CNOT9: variants seen among roughly 807,000 people sequenced by gnomAD.
The protein encoded by CNOT9 is RCD1 required for cell differentiation1 homolog.
Under a neutral mutation model 37.4 loss-of-function variants are expected in CNOT9, and 8 were observed. The observed-to-expected ratio is 0.21, with a 90% confidence interval of 0.13 to 0.39. The LOEUF (loss-of-function observed/expected upper bound fraction) is 0.39. Among genes scored for constraint, CNOT9 ranks in the 10% least tolerant of loss-of-function variants. The pLI is 1.00. For missense variants in CNOT9, 154 were observed against 365.3 expected, an observed-to-expected ratio of 0.42 and a Z score of 4.71; for synonymous variants, 120 against 137.6, an observed-to-expected ratio of 0.87 and a Z score of 0.90.
chr2:218,574,243 T>C, intron 1 of CNOT9: 1 of 216,008 alleles, frequency 4.6e-6, no homozygotes, highest in South Asian at 4.9e-5. Context: ...GGTGTGAACC[T>C]GTCTCTGTGC....
Position 218,571,340 on chromosome 2 carries a change from C to T in CNOT9, c.24+2362C>T, listed in dbSNP as rs542870766. On this transcript the variant is annotated intron_variant, in intron 1 of 7. Coordinates refer to ENST00000273064, the MANE Select transcript of CNOT9 (RefSeq NM_005444.3). ...GCTAAGGAGGGAGGACACTTCACCC[C>T]AGGAGTTCCAGGCTACTGTGTGCTA... is the stretch of plus-strand genomic sequence containing the variant. 3.3e-5 allele frequency among the ~76,000 whole-genome samples: 5 copies of T among 152,278 alleles called. No homozygotes were observed. In the South Asian group the frequency reaches 1.0e-3, roughly 32 times the overall value.
At chr2:218,578,122 G>T (rs891656202) in intron 1 of CNOT9, among the ~76,000 whole-genome samples, 105 of 152,314 alleles carry the variant, frequency 6.9e-4, no homozygotes, top group African/African-American at 2.0e-3. Context: ...GAGGAAAAAA[G>T]CTACCATATT....
intron 5 of CNOT9, among the ~76,000 whole-genome samples, chr2:218,589,903 T>C (rs866581071): frequency 2.0e-5 from 3 of 152,232 alleles, no homozygotes; most frequent in Middle Eastern, 3.2e-3. Context: ...GAATTCATAC[T>C]GTATGTTGAT....
chr2:218,571,916 A>C (rs183838566), intron 1 of CNOT9, among the ~76,000 whole-genome samples: 148 of 151,934 alleles, frequency 9.7e-4, no homozygotes, highest in Non-Finnish European at 1.5e-3. Flanking sequence ...AATACATCCT[A>C]ACATCTTCAT....
chr2:218,593,005 C>G, intron 7 of CNOT9: 1 of 390,944 alleles, frequency 2.6e-6, no homozygotes, highest in Non-Finnish European at 4.6e-6. Flanking sequence ...TGTTGCTACT[C>G]TACGTGGTCA....
At chr2:218,590,045 CTT>C (rs1694721704) in intron 5 of CNOT9, among the ~76,000 whole-genome samples, 1 of 99,450 alleles carries the variant, frequency 1.0e-5, no homozygotes, top group African/African-American at 4.4e-5. Context: ...AGAAATATTG[CTT>C]TTTTCTGTTT....
At chr2:218,573,444 C>T (rs553223667) in intron 1 of CNOT9, among the ~76,000 whole-genome samples, 2 of 152,090 alleles carry the variant, frequency 1.3e-5, no homozygotes, top group East Asian at 1.9e-4. Context: ...CCCAAATCCA[C>T]GTGTTGATCT....
chr2:218,573,209 T>A (rs2106078473), intron 1 of CNOT9, among the ~76,000 whole-genome samples: 1 of 151,986 alleles, frequency 6.6e-6, no homozygotes, highest in Middle Eastern at 3.4e-3. Flanking sequence ...TCCCAGCTAC[T>A]TGGGAGGCTG....
At chr2:218,581,940 G>A (rs1488758480) in intron 2 of CNOT9, among the ~76,000 whole-genome samples, 1 of 151,998 alleles carries the variant, frequency 6.6e-6, no homozygotes, top group African/African-American at 2.4e-5. Flanking sequence ...AAATTAGCCA[G>A]GCTTGGTGGT....
At position 218,592,255 on chromosome 2, in the gene CNOT9, G is replaced by A. The variant is rs1263551865; in HGVS notation, c.541-49G>A. 1.5e-6 allele frequency: 2 copies of A among 1,375,940 alleles called. No homozygotes were observed. The highest frequency in any genetic ancestry group is 1.4e-5 in the African/African-American group (1 of 69,926). The allele number at this position is 1,375,940 out of a possible 1,614,324, so 85.2% of individuals were successfully genotyped here. A position where few individuals can be genotyped will look rare whatever the true frequency, so the allele number is the denominator to read the frequency against. ...TGGGAAAATGAGTAGAAAATGAGAAGATTAAATCTGAGCAACTTTATAAAC... is the reference window on the plus strand; with the variant it reads ...TGGGAAAATGAGTAGAAAATGAGAAAATTAAATCTGAGCAACTTTATAAAC... On this transcript the variant is annotated intron_variant, in intron 5 of 7. Coordinates refer to ENST00000273064, the MANE Select transcript of CNOT9 (RefSeq NM_005444.3). The surrounding 1 kb of genome is among the most constrained non-coding windows in gnomAD (Gnocchi z 4.1).
In CNOT9 at chr2:218,595,816, C is replaced by T. The variant is rs796918686; in HGVS notation, c.*1540C>T. ...ACAAGGGCTCTTTCAAGCCGACTTT[C>T]ACAAAGAGAGCCGGACTTGTTAGTT... is the stretch of plus-strand genomic sequence containing the variant. On this transcript the variant is annotated 3_prime_UTR_variant, in exon 8 of 8. Transcript: ENST00000273064. 2 of 151,414 alleles carry T rather than the reference C, an allele frequency of 1.3e-5. No individual in the cohort carries two copies. Among genetic ancestry groups the T allele is most frequent in the South Asian group, 4.2e-4 (2 of 4,814 alleles). The allele number at this position is 151,414 out of a possible 1,614,324, so 9.4% of individuals were successfully genotyped here.
At chr2:218,590,502 C>G (rs1694736583) in intron 5 of CNOT9, among the ~76,000 whole-genome samples, 1 of 152,128 alleles carries the variant, frequency 6.6e-6, no homozygotes, top group African/African-American at 2.4e-5. Context: ...TTACCACAAG[C>G]TAGAAGGGTA....
chr2:218,581,110 A>G, intron 2 of CNOT9: 1 of 437,244 alleles, frequency 2.3e-6, no homozygotes, highest in South Asian at 1.6e-5. Context: ...TATAAGGACC[A>G]CAAGGTACAA....
At chr2:218,575,738 T>C (rs1293661084) in intron 1 of CNOT9, among the ~76,000 whole-genome samples, 4 of 152,124 alleles carry the variant, frequency 2.6e-5, no homozygotes, top group South Asian at 2.1e-4. Context: ...CCTCAAAAAA[T>C]GTCAACCTCT....
In CNOT9 at chr2:218,580,671, G is replaced by A. The variant is rs775761220; in HGVS notation, c.135G>A (p.Lys45=). The A allele has an allele frequency of 4.3e-6, 7 of 1,614,030 alleles. No homozygotes were observed. The African/African-American group carries it at 8.0e-5, about 18-fold the overall frequency. ...ATGCTTTGCTGGAGCTAAGTAAGAA[G>A]CGAGAATCTGTTCCTGACCTTGCAC... The part of the protein sequence containing the change: ...RENALLELSK[K]RESVPDLAPM... The change falls in exon 2 of 8, where the codon AAG becomes AAA. Residue 45 remains lysine, a synonymous_variant. Transcript: ENST00000273064.
At chr2:218,574,818 G>A (rs1260167110) in intron 1 of CNOT9, among the ~76,000 whole-genome samples, 1 of 152,196 alleles carries the variant, frequency 6.6e-6, no homozygotes, top group East Asian at 1.9e-4. Context: ...GGGCATTAAA[G>A]AACTTTTTGG....
At chr2:218,575,361 C>T (rs1219188385) in intron 1 of CNOT9, among the ~76,000 whole-genome samples, 2 of 146,418 alleles carry the variant, frequency 1.4e-5, no homozygotes, top group African/African-American at 4.9e-5. Flanking sequence ...AAAAGATCCA[C>T]AATTTTCTTT....
At chr2:218,588,553 TG>T (rs1694667962) in intron 5 of CNOT9, among the ~76,000 whole-genome samples, 2 of 141,984 alleles carry the variant, frequency 1.4e-5, no homozygotes, top group African/African-American at 5.1e-5. Context: ...CCTCCCAAAG[TG>T]CTGGGTTTAC....
chr2:218,569,162 G>C (rs1016797066), intron 1 of CNOT9, among the ~76,000 whole-genome samples, 184 bp downstream of exon 1: 1 of 152,314 alleles, frequency 6.6e-6, no homozygotes, highest in South Asian at 2.1e-4. Context: ...TTTCCTTGCC[G>C]GACGCCTCTC....
Sources: allele counts gnomAD v4.1 joint callset (sites outside exome capture counted in the v4.1 genomes callset), GRCh38; gene constraint gnomAD v4.1.1; non-coding constraint Gnocchi (gnomAD v3.1); transcripts MANE v1.5; gene names NCBI Gene and HGNC (gene_info 2026-07-23, HGNC 2026-07-21).